The following UNC13B variants were observed in gnomAD, a reference collection of about 807,000 sequenced individuals.
UNC13B encodes the protein protein unc-13 homolog B.
In UNC13B, 144 loss-of-function variants were observed where a neutral mutation model predicts 211.0. The observed-to-expected ratio is 0.68, with a 90% CI of 0.60 to 0.78. UNC13B has a LOEUF of 0.78. UNC13B is among the 30% of genes least tolerant of loss of function. The pLI, the probability that UNC13B is intolerant of heterozygous loss-of-function variation, is 0.00. For synonymous variants in UNC13B, 709 were observed against 725.8 expected, an observed-to-expected ratio of 0.98 and a Z score of 0.37; for missense variants, 1,777 against 2,002.0, an observed-to-expected ratio of 0.89 and a Z score of 2.14.
intron 5 of UNC13B, among the ~76,000 whole-genome samples, chr9:35,238,949 A>G (rs571770414): frequency 6.0e-5 from 9 of 150,948 alleles, no homozygotes; most frequent in South Asian, 2.1e-4. Flanking sequence ...CAAACTAATA[A>G]CTCTGTATAT....
At chr9:35,193,657 CAA>C (rs748105027) in intron 1 of UNC13B, among the ~76,000 whole-genome samples, 197 of 56,164 alleles carry the variant, frequency 3.5e-3, no homozygotes, top group African/African-American at 9.9e-3. Context: ...GACTCCGTCT[CAA>C]AAAAAAAAAA....
Position 35,243,266 on chromosome 9 carries a change from C to A in UNC13B, c.395-25C>A, listed in dbSNP as rs374321399. On this transcript the variant is annotated intron_variant, in intron 5 of 39. Coordinates refer to ENST00000635942, the MANE Select transcript of UNC13B (RefSeq NM_001371189.2). ...ATTACCTGCTGATGTGATTTCTTTT[C>A]TTTTTCTTCTTTTTTTTATGGTAGA... 8 of 1,608,818 alleles carry A rather than the reference C, an allele frequency of 5.0e-6. No individual in the cohort carries two copies. In the African/African-American group the frequency reaches 9.4e-5, roughly 19 times the overall value.
In UNC13B at chr9:35,307,608, C is replaced by T. The variant is rs1829990122; in HGVS notation, c.8204C>T (p.Ala2735Val). 1 of 399,186 alleles carries T rather than the reference C, an allele frequency of 2.5e-6. No individual in the cohort carries two copies. The highest frequency in any genetic ancestry group is 4.4e-6 in the Non-Finnish European group (1 of 226,190). 24.7% of individuals were successfully genotyped at this position (399,186 alleles called of 1,614,324 possible). ...CCTCTGCTGGAGGACCCTGTGCTTG[C>T]TGCCAGAGAAAGTTGTGAGATAATT... Reference protein sequence around the residue: ...SHPLLEDPVLAARESCEIIHA... With the variant: ...SHPLLEDPVLVARESCEIIHA... The change falls in exon 9 of 40, where the codon GCT becomes GTT. Residue 2735 changes from alanine (A) to valine (V), a missense_variant. Physicochemically the swap from Ala to Val is moderately conservative, Grantham distance 64 (BLOSUM62 0). Transcript: ENST00000635942.
chr9:35,374,563 C>T (rs1834272211), intron 13 of UNC13B, among the ~76,000 whole-genome samples: 1 of 152,230 alleles, frequency 6.6e-6, no homozygotes, highest in African/African-American at 2.4e-5. Context: ...AGACTTAACT[C>T]TCTGTCCTGC....
chr9:35,206,216 T>C (rs528663922), intron 1 of UNC13B, among the ~76,000 whole-genome samples: 1 of 152,206 alleles, frequency 6.6e-6, no homozygotes, highest in South Asian at 2.1e-4. Context: ...TTAAAAAAAA[T>C]TAAAAATTGA....
intron 1 of UNC13B, among the ~76,000 whole-genome samples, chr9:35,212,966 T>A (rs188603820): frequency 6.6e-6 from 1 of 152,352 alleles, no homozygotes; most frequent in Admixed American, 6.5e-5. Flanking sequence ...GGGCAAGGCC[T>A]CTTTGAATTC....
At chr9:35,401,992 A>T (rs1416484479) in intron 37 of UNC13B, 3 of 1,550,622 alleles carry the variant, frequency 1.9e-6, no homozygotes, top group Non-Finnish European at 2.6e-6. Context: ...TAATGAGGAC[A>T]TTCGTCCGGA....
At chr9:35,202,620 T>A (rs1452939957) in intron 1 of UNC13B, among the ~76,000 whole-genome samples, 1 of 152,150 alleles carries the variant, frequency 6.6e-6, no homozygotes, top group Non-Finnish European at 1.5e-5. Context: ...TCTTTGTCTC[T>A]TTTGATCTTT....
At position 35,364,248 on chromosome 9, in the gene UNC13B, G is replaced by A. The variant is rs573372193; in HGVS notation, c.9415-2699G>A. Among the ~76,000 whole-genome samples the A allele has an allele frequency of 7.4e-4, 111 of 150,130 alleles. 1 individual carries two copies. The highest frequency in any genetic ancestry group is 1.8e-3 in the Admixed American group (27 of 15,248). Reference sequence around the variant, plus strand: ...TTGGCAGCCCTGACCCTTGATGCAGGCCACTTTGGAAATGGGAAAAGGATG... The same window carrying A: ...TTGGCAGCCCTGACCCTTGATGCAGACCACTTTGGAAATGGGAAAAGGATG... On this transcript the variant is annotated intron_variant, in intron 11 of 39. Coordinates refer to ENST00000635942, the MANE Select transcript of UNC13B (RefSeq NM_001371189.2).
At chr9:35,398,431 G>A (rs1487662103) in intron 31 of UNC13B, 123 bp from the exon 32 acceptor site, 14 of 1,347,838 alleles carry the variant, frequency 1.0e-5, no homozygotes, top group Admixed American at 1.8e-5. Flanking sequence ...TAGGCATTCG[G>A]GTAAGGCCCT....
At chr9:35,199,854 A>C (rs2131371754) in intron 1 of UNC13B, among the ~76,000 whole-genome samples, 1 of 152,040 alleles carries the variant, frequency 6.6e-6, no homozygotes, top group Middle Eastern at 3.4e-3. Flanking sequence ...ATTAGATCCC[A>C]TTTGTCAATT....
Position 35,400,423 on chromosome 9 carries a change from T to A in UNC13B, c.12464T>A (p.Val4155Glu). ...QTTDTLIKTF[V>E]RSQTTQGSGV... Reference sequence around the variant, plus strand: ...ACTGACACTCTCATCAAGACCTTTGTGCGCTCGCAGACCACCCAAGGTAAG... The same window carrying A: ...ACTGACACTCTCATCAAGACCTTTGAGCGCTCGCAGACCACCCAAGGTAAG... Residue 4155 changes from valine (V) to glutamate (E), a missense_variant, in exon 37 of 40, where the codon GTG becomes GAG. Coordinates refer to ENST00000635942, the MANE Select transcript of UNC13B (RefSeq NM_001371189.2). 1 of 1,613,608 alleles carries A rather than the reference T, an allele frequency of 6.2e-7. No individual in the cohort carries two copies. The highest frequency in any genetic ancestry group is 8.5e-7 in the Non-Finnish European group (1 of 1,179,736).
At position 35,247,797 on chromosome 9, in the gene UNC13B, A is replaced by C. The variant is rs545593966; in HGVS notation, c.468+4433A>C. ...ATTTTTGCGTCAATGTTCATCAGGG[A>C]TATTGGTCTAAAATTCTCTCTTTTT... On this transcript the variant is annotated intron_variant, in intron 6 of 39. Coordinates refer to ENST00000635942, the MANE Select transcript of UNC13B (RefSeq NM_001371189.2). Among the ~76,000 whole-genome samples, 116 of 152,186 alleles carry C rather than the reference A, an allele frequency of 7.6e-4. 2 individuals are homozygous for C. Among genetic ancestry groups the C allele is most frequent in the Non-Finnish European group, 1.5e-3 (103 of 68,010 alleles).
At chr9:35,180,583 C>A (rs1415413997) in intron 1 of UNC13B, among the ~76,000 whole-genome samples, 1 of 151,952 alleles carries the variant, frequency 6.6e-6, no homozygotes, top group East Asian at 1.9e-4. Flanking sequence ...CTGTGGACTT[C>A]AAAAATTATG....
At chr9:35,226,127 T>C (rs146392161) in intron 1 of UNC13B, among the ~76,000 whole-genome samples, 1 of 152,140 alleles carries the variant, frequency 6.6e-6, no homozygotes, top group Non-Finnish European at 1.5e-5. Flanking sequence ...GCCAGTAACA[T>C]CACATGGGAA....
intron 1 of UNC13B, among the ~76,000 whole-genome samples, chr9:35,187,849 G>C (rs1822444603): frequency 6.6e-6 from 1 of 152,062 alleles, no homozygotes; most frequent in East Asian, 1.9e-4. Flanking sequence ...GACTGTGTAG[G>C]TAAGGGTATG....
intron 1 of UNC13B, among the ~76,000 whole-genome samples, chr9:35,223,110 T>C (rs1246700030): frequency 1.3e-5 from 2 of 152,232 alleles, no homozygotes; most frequent in Non-Finnish European, 2.9e-5. Context: ...GACACTTAGG[T>C]TGATTCTATA....
chr9:35,224,186 A>T (rs1229790316), intron 1 of UNC13B, among the ~76,000 whole-genome samples: 1 of 152,166 alleles, frequency 6.6e-6, no homozygotes, highest in African/African-American at 2.4e-5. Flanking sequence ...TTCTCTGATG[A>T]ATAGCATTGG....
At chr9:35,317,609 G>A (rs375184366) in intron 11 of UNC13B, among the ~76,000 whole-genome samples, 4 of 137,900 alleles carry the variant, frequency 2.9e-5, no homozygotes, top group African/African-American at 8.2e-5. Flanking sequence ...TGTAATCTCC[G>A]CCTCCCAGGT....
Sources: gnomAD v4.1 joint callset for allele counts (sites outside exome capture counted in the v4.1 genomes callset) on GRCh38, gnomAD v4.1.1 for gene constraint, MANE v1.5 for transcripts, NCBI Gene and HGNC (gene_info 2026-07-23, HGNC 2026-07-21) for gene names.